Variants in UBE4B observed in about 807,000 individuals in gnomAD.
The protein encoded by UBE4B is ubiquitin conjugation factor E4 B.
Under a neutral mutation model 148.1 loss-of-function variants are expected in UBE4B, and 27 were observed. The observed-to-expected ratio is 0.18, with a 90% CI of 0.13 to 0.25. The LOEUF (loss-of-function observed/expected upper bound fraction) is 0.25. UBE4B is among the 10% of genes least tolerant of loss of function. UBE4B has a pLI of 1.00. For synonymous variants in UBE4B, 596 were observed against 619.3 expected (o/e 0.96, Z 0.56); for missense variants, 1,170 against 1,662.4 (o/e 0.70, Z 5.15).
intron 1 of UBE4B, chr1:10,054,535 C>A: frequency 3.0e-6 from 1 of 337,930 alleles, no homozygotes; most frequent in African/African-American, 2.2e-5. Context: ...TTCTCTTTGG[C>A]TTTCTTCTTT....
chr1:10,119,624 C>G lies in UBE4B; in HGVS notation c.1439+11C>G, dbSNP rs1388208218. 1 of 1,609,894 alleles carries G rather than the reference C, an allele frequency of 6.2e-7. No individual in the cohort carries two copies. Among genetic ancestry groups the G allele is most frequent in the African/African-American group, 1.3e-5 (1 of 74,796 alleles). ...CCTAACACAGCCCAGGTATGAAGAC[C>G]CGTGACGTGCTTGACATTAGCAGGC... On this transcript the variant is annotated intron_variant, in intron 9 of 27. Transcript: ENST00000343090.
At chr1:10,131,760 G>GACCA (rs1557582114) in intron 14 of UBE4B, among the ~76,000 whole-genome samples, 1 of 152,098 alleles carries the variant, frequency 6.6e-6, no homozygotes, top group Non-Finnish European at 1.5e-5. Flanking sequence ...AGACCAGCCT[G>GACCA]ACCAACATGG....
chr1:10,106,608 A>G lies in UBE4B; in HGVS notation c.1196+25A>G, dbSNP rs767652047. 15 of 1,508,840 alleles carry G rather than the reference A, an allele frequency of 9.9e-6. No homozygotes were observed. The highest frequency in any genetic ancestry group is 9.7e-6 in the Non-Finnish European group (11 of 1,136,764). The allele number at this position is 1,508,840 out of a possible 1,614,324, so 93.5% of individuals were successfully genotyped here. A position where few individuals can be genotyped will look rare whatever the true frequency, so the allele number is the denominator to read the frequency against. On this transcript the variant is annotated intron_variant, in intron 7 of 27. Coordinates refer to ENST00000343090, the MANE Select transcript of UBE4B (RefSeq NM_001105562.3). The surrounding 1 kb of genome is among the most constrained non-coding windows in gnomAD (Gnocchi z 4.2). ...GGTATTTATCCCACAGGAGAGTTGC[A>G]TGTGTGTTTGCGGTGCAGGGAAAGG...
intron 22 of UBE4B, among the ~76,000 whole-genome samples, chr1:10,159,678 C>G (rs952562697): frequency 6.6e-5 from 10 of 151,770 alleles, no homozygotes; most frequent in African/African-American, 2.4e-4. Context: ...GAGTGAGACT[C>G]CGTCTCAAAT....
intron 7 of UBE4B, among the ~76,000 whole-genome samples, chr1:10,115,299 G>A (rs1244064521): frequency 2.7e-5 from 4 of 150,598 alleles, no homozygotes; most frequent in South Asian, 4.2e-4. Flanking sequence ...TATCATAGTC[G>A]CTCTCTTGCC....
intron 21 of UBE4B, 152 bp from the exon 22 acceptor site, chr1:10,158,204 C>A: frequency 1.2e-6 from 1 of 858,598 alleles, no homozygotes; most frequent in Non-Finnish European, 1.8e-6. Flanking sequence ...CTTATAATTT[C>A]TGTCGTGCCC....
chr1:10,126,491 G>A (rs1392743018), intron 10 of UBE4B, among the ~76,000 whole-genome samples: 1 of 152,156 alleles, frequency 6.6e-6, no homozygotes, highest in Non-Finnish European at 1.5e-5. Flanking sequence ...TCTTCAACAG[G>A]CTCCAAATGT....
At chr1:10,034,629 T>A (rs1232410533) in intron 1 of UBE4B, among the ~76,000 whole-genome samples, 1 of 152,196 alleles carries the variant, frequency 6.6e-6, no homozygotes, top group Non-Finnish European at 1.5e-5. Context: ...CCACATTTCT[T>A]CACTGGTTCA....
chr1:10,117,724 C>T, intron 8 of UBE4B, 124 bp downstream of exon 8: 1 of 1,217,472 alleles, frequency 8.2e-7, no homozygotes, highest in Non-Finnish European at 1.1e-6. Context: ...TGCCATGTGC[C>T]AGGCACAATA....
At chr1:10,165,103 C>T (rs1646226809) in intron 23 of UBE4B, among the ~76,000 whole-genome samples, 1 of 152,132 alleles carries the variant, frequency 6.6e-6, no homozygotes, top group African/African-American at 2.4e-5. Flanking sequence ...AATATATCTC[C>T]CTGGCTCAGA....
chr1:10,072,434 TC>T, intron 2 of UBE4B: 1 of 663,380 alleles, frequency 1.5e-6, no homozygotes, highest in Non-Finnish European at 2.6e-6. Flanking sequence ...ATAACTTCCA[TC>T]TTTTTTTTTT....
chr1:10,091,431 T>G (rs2101866942), intron 2 of UBE4B, among the ~76,000 whole-genome samples: 1 of 152,232 alleles, frequency 6.6e-6, no homozygotes, highest in Non-Finnish European at 1.5e-5. Flanking sequence ...CATCAGGTTT[T>G]TGTGTGTGTC....
chr1:10,173,718 G>A lies in UBE4B; in HGVS notation c.3525+2389G>A, dbSNP rs563835592. Among the ~76,000 whole-genome samples the A allele has an allele frequency of 4.6e-5, 7 of 152,270 alleles. No individual in the cohort carries two copies. The East Asian group carries it at 5.8e-4, about 13-fold the overall frequency. ...GCCCCAGGGCTCTTCCATCGTTGCCGTAGAGAGACTTGGAAGAGCTGTTTA... is the reference window on the plus strand; with the variant it reads ...GCCCCAGGGCTCTTCCATCGTTGCCATAGAGAGACTTGGAAGAGCTGTTTA... On this transcript the variant is annotated intron_variant, in intron 25 of 27. Transcript: ENST00000343090.
intron 16 of UBE4B, among the ~76,000 whole-genome samples, chr1:10,136,501 A>AGATTGTGAT (rs1553150358): frequency 6.6e-6 from 1 of 151,366 alleles, no homozygotes; most frequent in Non-Finnish European, 1.5e-5. Flanking sequence ...AAAAAAAAAA[A>AGATTGTGAT]GATTGTGATG....
At chr1:10,076,903 C>T (rs944793734) in intron 2 of UBE4B, among the ~76,000 whole-genome samples, 11 of 151,590 alleles carry the variant, frequency 7.3e-5, no homozygotes, top group Admixed American at 2.0e-4. Flanking sequence ...CCTGCCACCA[C>T]GCCTGGCTAA....
At chr1:10,158,783 C>T (rs978048326) in intron 22 of UBE4B, among the ~76,000 whole-genome samples, 17 of 151,942 alleles carry the variant, frequency 1.1e-4, no homozygotes, top group African/African-American at 3.1e-4. Context: ...CAGAGGCGGG[C>T]GGATCACTTG....
At chr1:10,178,466 T>C (rs1297103146) in intron 25 of UBE4B, among the ~76,000 whole-genome samples, 178 bp from the exon 26 acceptor site, 3 of 152,170 alleles carry the variant, frequency 2.0e-5, no homozygotes, top group Non-Finnish European at 2.9e-5. Context: ...GTGCATACTT[T>C]TATGAGGCTA....
chr1:10,108,434 C>T (rs1243289864), intron 7 of UBE4B, among the ~76,000 whole-genome samples: 4 of 152,080 alleles, frequency 2.6e-5, no homozygotes, highest in Admixed American at 6.6e-5. Flanking sequence ...CCCTGGAAAC[C>T]GAGTGAAAAG....
chr1:10,149,027 C>G (rs938541835), intron 19 of UBE4B, among the ~76,000 whole-genome samples, 157 bp from the exon 20 acceptor site: 1 of 152,200 alleles, frequency 6.6e-6, no homozygotes, highest in African/African-American at 2.4e-5. Context: ...CTGTTCATTT[C>G]TGGTTGTAGT....
Sources: allele counts gnomAD v4.1 joint callset (sites outside exome capture counted in the v4.1 genomes callset), GRCh38; gene constraint gnomAD v4.1.1; non-coding constraint Gnocchi (gnomAD v3.1); transcripts MANE v1.5; gene names NCBI Gene and HGNC (gene_info 2026-07-23, HGNC 2026-07-21).